GALNTL5: variants seen among roughly 807,000 people sequenced by gnomAD.
GALNTL5 encodes inactive polypeptide N-acetylgalactosaminyltransferase-like protein 5.
GALNTL5 carries 44 observed loss-of-function variants against 51.0 expected under a neutral mutation model. That is an observed-to-expected ratio of 0.86 (90% CI 0.68 to 1.11). The LOEUF (loss-of-function observed/expected upper bound fraction) is 1.11, where lower values mean the gene tolerates loss of function less well. GALNTL5 is among the 50% of genes least tolerant of loss of function. The pLI, the probability that GALNTL5 is intolerant of heterozygous loss-of-function variation, is 0.00. For missense variants in GALNTL5, 528 were observed against 531.8 expected, an observed-to-expected ratio of 0.99 and a Z score of 0.07; for synonymous variants, 192 against 182.8, an observed-to-expected ratio of 1.05 and a Z score of -0.41.
intron 5 of GALNTL5, among the ~76,000 whole-genome samples, chr7:152,001,571 C>A (rs958825727): frequency 3.3e-5 from 5 of 152,168 alleles, no homozygotes; most frequent in Admixed American, 1.3e-4. Flanking sequence ...TGACCATAGA[C>A]ACATGGTTTA....
chr7:152,000,414 G>A (rs1395133653), intron 5 of GALNTL5, among the ~76,000 whole-genome samples: 3 of 152,190 alleles, frequency 2.0e-5, no homozygotes, highest in Non-Finnish European at 4.4e-5. Flanking sequence ...GAGAAGGGAG[G>A]TCCTCAAAGT....
At chr7:151,986,796 C>T (rs541287960) in intron 4 of GALNTL5, among the ~76,000 whole-genome samples, 3 of 149,534 alleles carry the variant, frequency 2.0e-5, no homozygotes, top group East Asian at 2.0e-4. Flanking sequence ...GGGGCCATCT[C>T]GGCTCACTGC....
intron 7 of GALNTL5, among the ~76,000 whole-genome samples, chr7:152,009,603 T>G (rs1201088711): frequency 1.3e-5 from 2 of 152,176 alleles, no homozygotes; most frequent in Non-Finnish European, 2.9e-5. Flanking sequence ...ATCCAGGTCC[T>G]CTGCTCCTGT....
Position 151,962,436 on chromosome 7 carries a change from C to CTTTT in GALNTL5, c.-39-4760_-39-4757dup, listed in dbSNP as rs61210832. On this transcript the variant is annotated intron_variant, in intron 1 of 8. Transcript: ENST00000392800. ...AAAAAAGTCTGTGTGATTTTTTTTTCTTTTTTTTTTTTTTTGGTTAATGCA... is the reference window on the plus strand; with the variant it reads ...AAAAAAGTCTGTGTGATTTTTTTTTCTTTTTTTTTTTTTTTTTTTGGTTAATGCA... Among the ~76,000 whole-genome samples, 22 of 116,248 alleles carry CTTTT rather than the reference C, an allele frequency of 1.9e-4. 5 individuals are homozygous for CTTTT. Among genetic ancestry groups the CTTTT allele is most frequent in the South Asian group, 2.9e-4 (1 of 3,502 alleles). 76.3% of individuals were successfully genotyped at this position (116,248 alleles called of 152,430 possible).
rs61729494 is a variant in GALNTL5, at chr7:151,987,161, G to T, written c.538G>T (p.Asp180Tyr). 2.4e-3 allele frequency: 3,731 copies of T among 1,585,604 alleles called. 58 individuals are homozygous for T. In the African/African-American group the frequency reaches 0.037, roughly 16 times the overall value. ...TCATGTGTTGAATATTTTTCCAGATGATTTGAAAGAAAAACTAGACTATCA... is the reference window on the plus strand; with the variant it reads ...TCATGTGTTGAATATTTTTCCAGATTATTTGAAAGAAAAACTAGACTATCA... ...ILVDDMSKVD[D>Y]LKEKLDYHLE... The change falls in exon 5 of 9, where the codon GAT becomes TAT. Residue 180 changes from aspartate to tyrosine, a missense_variant and splice_region_variant. By Grantham distance (160) the Asp-to-Tyr change is radical. Transcript: ENST00000392800.
intron 1 of GALNTL5, among the ~76,000 whole-genome samples, chr7:151,959,920 G>A (rs1045674579): frequency 3.3e-5 from 5 of 152,040 alleles, no homozygotes; most frequent in Non-Finnish European, 5.9e-5. Flanking sequence ...GGTCTCTGGC[G>A]TGTCTCTACC....
chr7:152,002,085 G>A (rs1342934650), intron 5 of GALNTL5, among the ~76,000 whole-genome samples: 2 of 152,062 alleles, frequency 1.3e-5, no homozygotes, highest in East Asian at 3.9e-4. Flanking sequence ...CTCGAGACCA[G>A]CCTGGCCAAC....
Position 152,019,866 on chromosome 7 carries a change from A to G in GALNTL5, c.*65A>G. On this transcript the variant is annotated 3_prime_UTR_variant, in exon 9 of 9. Coordinates refer to ENST00000392800, the MANE Select transcript of GALNTL5 (RefSeq NM_145292.4). ...TCTCCTAGTCATTCAACATAGTGTC[A>G]CAAGAGTGTAAGTTTGGAACATCGT... is the stretch of plus-strand genomic sequence containing the variant. 2 of 1,357,524 alleles carry G rather than the reference A, an allele frequency of 1.5e-6. No homozygotes were observed. Among genetic ancestry groups the G allele is most frequent in the South Asian group, 1.4e-5 (1 of 72,600 alleles). The allele number at this position is 1,357,524 out of a possible 1,614,324, so 84.1% of individuals were successfully genotyped here.
chr7:151,976,522 GA>G (rs993385601), intron 3 of GALNTL5, among the ~76,000 whole-genome samples: 1 of 151,974 alleles, frequency 6.6e-6, no homozygotes, highest in Non-Finnish European at 1.5e-5. Context: ...CCTTAAAGGG[GA>G]AGTGAGTTTC....
intron 2 of GALNTL5, 83 bp downstream of exon 2, chr7:151,967,576 A>G: frequency 8.3e-7 from 1 of 1,199,266 alleles, no homozygotes; most frequent in Non-Finnish European, 1.2e-6. Flanking sequence ...GTACGAGACT[A>G]TCCTTTTTAA....
chr7:151,995,941 C>A (rs1586838390), intron 5 of GALNTL5, among the ~76,000 whole-genome samples: 1 of 152,098 alleles, frequency 6.6e-6, no homozygotes, highest in East Asian at 1.9e-4. Flanking sequence ...CAGGCTCAAA[C>A]CCAGGAATTC....
chr7:151,994,270 G>A (rs531199614), intron 5 of GALNTL5, among the ~76,000 whole-genome samples: 11 of 152,276 alleles, frequency 7.2e-5, no homozygotes, highest in Admixed American at 2.0e-4. Context: ...ATCTCTTGCC[G>A]ACTGTGTGCT....
chr7:151,983,913 GT>G (rs1468266383), intron 4 of GALNTL5, among the ~76,000 whole-genome samples: 1 of 152,148 alleles, frequency 6.6e-6, no homozygotes, highest in East Asian at 1.9e-4. Context: ...CAAAACCAGA[GT>G]TATTAAAAGG....
chr7:152,016,827 G>A (rs1254777897), intron 8 of GALNTL5, among the ~76,000 whole-genome samples: 1 of 152,046 alleles, frequency 6.6e-6, no homozygotes, highest in African/African-American at 2.4e-5. Context: ...CTGAGGCCAG[G>A]AGTTCAAGAC....
At chr7:151,975,944 T>A (rs1268376536) in intron 3 of GALNTL5, among the ~76,000 whole-genome samples, 1 of 152,208 alleles carries the variant, frequency 6.6e-6, no homozygotes. Flanking sequence ...ATACTTGATA[T>A]GATTTCAATC....
chr7:151,961,530 C>T (rs2080991708), intron 1 of GALNTL5, among the ~76,000 whole-genome samples: 1 of 152,078 alleles, frequency 6.6e-6, no homozygotes, highest in South Asian at 2.1e-4. Flanking sequence ...CTGTAGAAGC[C>T]AAATTCTGTT....
chr7:152,019,814 T>A lies in GALNTL5; in HGVS notation c.*13T>A. 1 of 1,598,504 alleles carries A rather than the reference T, an allele frequency of 6.3e-7. No homozygotes were observed. Among genetic ancestry groups the A allele is most frequent in the Non-Finnish European group, 8.5e-7 (1 of 1,169,796 alleles). On this transcript the variant is annotated 3_prime_UTR_variant, in exon 9 of 9. Transcript: ENST00000392800. The stretch of plus-strand genomic sequence containing the variant: ...GAACAGCCTGTGAAAGGAAAACAAA[T>A]CACTTTCATTAATAAAGGGTTAAAA...
intron 8 of GALNTL5, among the ~76,000 whole-genome samples, chr7:152,018,228 G>A (rs1416587251): frequency 6.6e-6 from 1 of 152,186 alleles, no homozygotes; most frequent in Non-Finnish European, 1.5e-5. Flanking sequence ...GAACTTGCTG[G>A]GGCAAGAGTT....
At chr7:152,003,185 T>G (rs553183543) in intron 6 of GALNTL5, among the ~76,000 whole-genome samples, 1 of 152,222 alleles carries the variant, frequency 6.6e-6, no homozygotes, top group Non-Finnish European at 1.5e-5. Context: ...CATCTATAAC[T>G]CTTTGATTCT....
Sources: allele counts gnomAD v4.1 joint callset (sites outside exome capture counted in the v4.1 genomes callset), GRCh38; gene constraint gnomAD v4.1.1; transcripts MANE v1.5; gene names NCBI Gene and HGNC (gene_info 2026-07-23, HGNC 2026-07-21).